RGL1: variants seen among roughly 807,000 people sequenced by gnomAD.
RGL1 encodes ral guanine nucleotide dissociation stimulator-like 1.
In RGL1, 24 loss-of-function variants were observed where a neutral mutation model predicts 95.2. That is an observed-to-expected ratio of 0.25 (90% confidence interval 0.18 to 0.35). The LOEUF is 0.35. Ranked by LOEUF, RGL1 falls within the 10% of genes least tolerant of loss-of-function variation. The pLI, the probability that RGL1 is intolerant of heterozygous loss-of-function variation, is 1.00. For missense variants in RGL1, 715 were observed against 936.3 expected, an observed-to-expected ratio of 0.76 and a Z score of 3.08; for synonymous variants, 329 against 344.9, an observed-to-expected ratio of 0.95 and a Z score of 0.51.
At chr1:183,813,754 C>T (rs1373891938) in intron 2 of RGL1, among the ~76,000 whole-genome samples, 2 of 152,172 alleles carry the variant, frequency 1.3e-5, no homozygotes, top group African/African-American at 2.4e-5. Context: ...ACTCTTTATC[C>T]TAGCAGCTGA....
At chr1:183,676,810 C>T (rs978778113) in intron 1 of RGL1, among the ~76,000 whole-genome samples, 1 of 149,024 alleles carries the variant, frequency 6.7e-6, no homozygotes, top group African/African-American at 2.5e-5. Context: ...TAACCAAGGG[C>T]AAGTTACTTC....
Position 183,689,266 on chromosome 1 carries a change from T to A in RGL1, c.-33+52765T>A, listed in dbSNP as rs188174788. 1.7e-3 allele frequency among the ~76,000 whole-genome samples: 256 copies of A among 152,310 alleles called. 1 individual carries two copies. Among genetic ancestry groups the A allele is most frequent in the African/African-American group, 5.8e-3 (242 of 41,572 alleles). On this transcript the variant is annotated intron_variant, in intron 1 of 18. Coordinates refer to the RGL1 transcript ENST00000304685. The stretch of plus-strand genomic sequence containing the variant: ...ATATATATTCCCATTACTTAGTTCA[T>A]GTAAATAATCCTAAAGGTGAACTGA...
chr1:183,831,873 T>G (rs868581838), intron 2 of RGL1, among the ~76,000 whole-genome samples: 1 of 152,344 alleles, frequency 6.6e-6, no homozygotes, highest in East Asian at 1.9e-4. Context: ...CAACCTAATA[T>G]GGGAAGTATA....
intron 2 of RGL1, among the ~76,000 whole-genome samples, chr1:183,763,937 G>C (rs1658833647): frequency 6.6e-6 from 1 of 152,134 alleles, no homozygotes; most frequent in Non-Finnish European, 1.5e-5. Flanking sequence ...CCACACTCCA[G>C]GATCCTTTGT....
chr1:183,828,251 T>C (rs1663009612), intron 2 of RGL1, among the ~76,000 whole-genome samples: 2 of 152,226 alleles, frequency 1.3e-5, no homozygotes, highest in African/African-American at 4.8e-5. Flanking sequence ...CCTGTTAATA[T>C]GCAATCTAAA....
At chr1:183,805,955 C>CTTTTTTTTTTTTTTTTTTT (rs1443606271) in intron 1 of RGL1, among the ~76,000 whole-genome samples, 1 of 50,804 alleles carries the variant, frequency 2.0e-5, no homozygotes, top group South Asian at 8.1e-4. Context: ...TTTTCTTTTT[C>CTTTTTTTTTTTTTTTTTTT]TTTTTCTTTT....
intron 2 of RGL1, among the ~76,000 whole-genome samples, chr1:183,812,968 A>G (rs1434797192): frequency 6.6e-6 from 1 of 152,180 alleles, no homozygotes; most frequent in African/African-American, 2.4e-5. Flanking sequence ...CTTCATCTTT[A>G]ATGTTAGCAT....
At chr1:183,739,223 C>T (rs976288882) in intron 1 of RGL1, among the ~76,000 whole-genome samples, 2 of 152,244 alleles carry the variant, frequency 1.3e-5, no homozygotes. Flanking sequence ...TACCTCTATG[C>T]CATCCTTACC....
intron 14 of RGL1, 90 bp from the exon 15 acceptor site, chr1:183,911,992 A>T (rs1668666749): frequency 1.1e-5 from 12 of 1,132,814 alleles, no homozygotes; most frequent in African/African-American, 1.6e-5. Flanking sequence ...CTGAAAAAAC[A>T]TCAAGGGCTT....
chr1:183,845,069 C>T (rs1328719383), intron 2 of RGL1, among the ~76,000 whole-genome samples: 5 of 152,188 alleles, frequency 3.3e-5, no homozygotes, highest in Non-Finnish European at 5.9e-5. Context: ...AGCAAACATG[C>T]TACTTAGTAA....
intron 1 of RGL1, chr1:183,647,780 T>G (rs1256069355): frequency 6.2e-7 from 1 of 1,614,212 alleles, no homozygotes; most frequent in African/African-American, 1.3e-5. Context: ...TGGGAAGCCT[T>G]CCAAGGTCCT....
At chr1:183,666,005 C>CTTTTTTTT (rs746295660) in intron 1 of RGL1, among the ~76,000 whole-genome samples, 19 of 130,674 alleles carry the variant, frequency 1.5e-4, no homozygotes, top group East Asian at 4.3e-4. Flanking sequence ...TTCTTTTTTT[C>CTTTTTTTT]TTTTTTTTTT....
At chr1:183,742,964 G>A (rs528642969) in intron 2 of RGL1, among the ~76,000 whole-genome samples, 1 of 152,268 alleles carries the variant, frequency 6.6e-6, no homozygotes, top group East Asian at 1.9e-4. Flanking sequence ...AGCTTGGGTT[G>A]TGACCATCTT....
At chr1:183,877,866 G>C (rs888099382) in intron 4 of RGL1, among the ~76,000 whole-genome samples, 1 of 152,160 alleles carries the variant, frequency 6.6e-6, no homozygotes, top group Non-Finnish European at 1.5e-5. Context: ...GTGGACGAAG[G>C]CTCCTCTTTA....
At chr1:183,790,162 A>C (rs142374986) in intron 2 of RGL1, among the ~76,000 whole-genome samples, 59 of 152,024 alleles carry the variant, frequency 3.9e-4, no homozygotes, top group African/African-American at 1.3e-3. Context: ...CCTGACATCA[A>C]GTGATGCACC....
chr1:183,837,704 C>T lies in RGL1; in HGVS notation c.139-9862C>T, dbSNP rs541021959. On this transcript the variant is annotated intron_variant, in intron 2 of 17. Coordinates refer to ENST00000360851, the MANE Select transcript of RGL1 (RefSeq NM_001297671.3). Reference sequence around the variant, plus strand: ...GGAAATGCAACCTGTTAATTCATAACGCCTTAGTTCAGCAGTCCCCAACCT... The same window carrying T: ...GGAAATGCAACCTGTTAATTCATAATGCCTTAGTTCAGCAGTCCCCAACCT... Among the ~76,000 whole-genome samples, 17 of 152,294 alleles carry T rather than the reference C, an allele frequency of 1.1e-4. No individual in the cohort carries two copies. In the East Asian group the frequency reaches 2.7e-3, roughly 24 times the overall value.
At chr1:183,843,405 G>A (rs867342901) in intron 2 of RGL1, among the ~76,000 whole-genome samples, 1 of 152,186 alleles carries the variant, frequency 6.6e-6, no homozygotes, top group African/African-American at 2.4e-5. Context: ...TTTTTTCCGA[G>A]TAAGAAAGTA....
intron 9 of RGL1, among the ~76,000 whole-genome samples, chr1:183,894,660 G>A (rs1432682738): frequency 5.3e-5 from 8 of 151,806 alleles, no homozygotes; most frequent in East Asian, 1.9e-4. Context: ...GGTTTTATAC[G>A]GATTTATGGT....
At chr1:183,656,113 C>CTTTCTT (rs1553266933) in intron 1 of RGL1, among the ~76,000 whole-genome samples, 2 of 144,972 alleles carry the variant, frequency 1.4e-5, no homozygotes, top group Admixed American at 6.9e-5. Flanking sequence ...CTTTTCTTTT[C>CTTTCTT]TTTTTTTTTT....
Sources: gnomAD v4.1 joint callset for allele counts (sites outside exome capture counted in the v4.1 genomes callset) on GRCh38, gnomAD v4.1.1 for gene constraint, MANE v1.5 for transcripts, NCBI Gene and HGNC (gene_info 2026-07-23, HGNC 2026-07-21) for gene names.